Variants in TP53BP1 observed in about 807,000 individuals in gnomAD.
TP53BP1 encodes tumor protein p53 binding protein 1.
In TP53BP1, 61 loss-of-function variants were observed where a neutral mutation model predicts 200.8. That is an observed-to-expected ratio of 0.30 (90% CI 0.25 to 0.38). The LOEUF is 0.38. Among genes scored for constraint, TP53BP1 ranks in the 10% least tolerant of loss-of-function variants. The pLI is 1.00. For missense variants in TP53BP1, 2,144 were observed against 2,371.9 expected, an observed-to-expected ratio of 0.90 and a Z score of 2.00; for synonymous variants, 822 against 844.3, an observed-to-expected ratio of 0.97 and a Z score of 0.46.
upstream of TP53BP1, among the ~76,000 whole-genome samples, chr15:43,494,213 T>C (rs1349810181): frequency 6.6e-6 from 1 of 152,192 alleles, no homozygotes; most frequent in Non-Finnish European, 1.5e-5. Flanking sequence ...AGGCATTCAA[T>C]ATGAGGCAGT....
chr15:43,442,120 CTG>C (rs1394757464), intron 14 of TP53BP1, among the ~76,000 whole-genome samples: 1 of 142,408 alleles, frequency 7.0e-6, no homozygotes, highest in East Asian at 2.1e-4. Context: ...GAGTCTCACT[CTG>C]TCGCCCAGGC....
rs1400300098 is a variant in TP53BP1, at chr15:43,446,567, T to C, written c.2860A>G (p.Thr954Ala). The change falls in exon 14 of 28, where the codon ACC (threonine) becomes GCC (alanine). Residue 954 changes from threonine (T) to alanine (A), a missense_variant. Coordinates refer to ENST00000382044, the MANE Select transcript of TP53BP1 (RefSeq NM_001141980.3). ...GACATGACATCACTGGTTGCTATGG[T>C]GCTTTCTGGATAGTTGCTAATACCT... The part of the protein sequence containing the change: ...PIGISNYPES[T>A]IATSDVMSES... 6.2e-7 allele frequency: 1 copy of C among 1,614,094 alleles called. No individual in the cohort carries two copies. The highest frequency in any genetic ancestry group is 1.7e-5 in the Admixed American group (1 of 60,024).
At chr15:43,439,818 T>C (rs1422315779) in intron 15 of TP53BP1, among the ~76,000 whole-genome samples, 1 of 152,212 alleles carries the variant, frequency 6.6e-6, no homozygotes, top group Non-Finnish European at 1.5e-5. Context: ...AGCAACATAC[T>C]CTGTTCCCTC....
intron 12 of TP53BP1, among the ~76,000 whole-genome samples, chr15:43,451,093 CTTCTAATAGTAG>C (rs1156596955): frequency 6.6e-6 from 1 of 151,996 alleles, no homozygotes; most frequent in Non-Finnish European, 1.5e-5. Context: ...AAAAAGTGCT[CTTCTAATAGTAG>C]ATGAACAAAT....
chr15:43,432,815 G>C (rs2045703210), intron 16 of TP53BP1, 138 bp from the exon 17 acceptor site: 6 of 915,292 alleles, frequency 6.6e-6, no homozygotes, highest in Middle Eastern at 6.1e-4. Flanking sequence ...AAGGAAGGGA[G>C]AAAGTCAGGT....
At position 43,405,001 on chromosome 15, in the gene TP53BP1, C is replaced by G; in HGVS notation, c.*2382G>C. 1 of 590,206 alleles carries G rather than the reference C, an allele frequency of 1.7e-6. No homozygotes were observed. The highest frequency in any genetic ancestry group is 2.4e-5 in the South Asian group (1 of 40,916). The allele number at this position is 590,206 out of a possible 1,614,324, so 36.6% of individuals were successfully genotyped here. A position where few individuals can be genotyped will look rare whatever the true frequency, so the allele number is the denominator to read the frequency against. On this transcript the variant is annotated 3_prime_UTR_variant, in exon 28 of 28. Coordinates refer to ENST00000382044, the MANE Select transcript of TP53BP1 (RefSeq NM_001141980.3). ...TTCCCAGAGGTCTGTCATTCCCATT[C>G]AGAAAATCACTTCATTGTCCTTTCT... is the stretch of plus-strand genomic sequence containing the variant.
intron 17 of TP53BP1, among the ~76,000 whole-genome samples, chr15:43,430,956 T>C (rs890945609): frequency 2.0e-5 from 3 of 152,142 alleles, no homozygotes; most frequent in African/African-American, 7.2e-5. Context: ...CATATTCAGA[T>C]TGCCGGCATC....
chr15:43,472,265 C>A (rs1273670787), intron 10 of TP53BP1, among the ~76,000 whole-genome samples: 1 of 152,130 alleles, frequency 6.6e-6, no homozygotes, highest in East Asian at 1.9e-4. Context: ...ATGAGAAAAA[C>A]CACAGAAATG....
At chr15:43,430,685 G>A (rs2045648269) in intron 17 of TP53BP1, among the ~76,000 whole-genome samples, 1 of 152,116 alleles carries the variant, frequency 6.6e-6, no homozygotes, top group African/African-American at 2.4e-5. Context: ...CCCAGTGGAT[G>A]CCTGAAACTG....
At chr15:43,413,001 C>G (rs951830462) in intron 24 of TP53BP1, 118 bp downstream of exon 24, 1 of 884,512 alleles carries the variant, frequency 1.1e-6, no homozygotes, top group Admixed American at 2.5e-5. Context: ...GACCAAGATC[C>G]CAGTTGCTAC....
intron 14 of TP53BP1, among the ~76,000 whole-genome samples, chr15:43,442,301 T>G (rs2045943036): frequency 6.6e-6 from 1 of 151,950 alleles, no homozygotes; most frequent in African/African-American, 2.4e-5. Context: ...TTAGCCAGGA[T>G]GGTCTCAATC....
chr15:43,491,996 C>A lies in TP53BP1; in HGVS notation c.286+6G>T, dbSNP rs759012337. On this transcript the variant is annotated splice_donor_region_variant and intron_variant, in intron 3 of 27. Coordinates refer to ENST00000382044, the MANE Select transcript of TP53BP1 (RefSeq NM_001141980.3). ...CAAAGGGGACAGATAGCTTTAAACA[C>A]CTCACCTGCAACCTTGTTTTCTTTC... 6.2e-7 allele frequency: 1 copy of A among 1,609,072 alleles called. No individual in the cohort carries two copies. Among genetic ancestry groups the A allele is most frequent in the Non-Finnish European group, 8.5e-7 (1 of 1,175,440 alleles).
At chr15:43,509,354 G>A (rs2079258125) in intron 1 of TP53BP1, among the ~76,000 whole-genome samples, 1 of 152,122 alleles carries the variant, frequency 6.6e-6, no homozygotes, top group Non-Finnish European at 1.5e-5. Context: ...TTGCAGAGTG[G>A]ACTGGCTGTT....
chr15:43,450,316 A>C (rs973024332), intron 12 of TP53BP1, among the ~76,000 whole-genome samples: 2 of 152,240 alleles, frequency 1.3e-5, no homozygotes, highest in African/African-American at 4.8e-5. Flanking sequence ...CTTTGTTCTT[A>C]AAAGAACTGG....
In TP53BP1 at chr15:43,413,154, G is replaced by A. The variant is rs372763077; in HGVS notation, c.5270C>T (p.Pro1757Leu). 2 of 1,614,022 alleles carry A rather than the reference G, an allele frequency of 1.2e-6. No homozygotes were observed. Among genetic ancestry groups the A allele is most frequent in the African/African-American group, 2.7e-5 (2 of 74,888 alleles). The part of the protein sequence containing the change: ...SDKLASRSKL[P>L]DGPTGSSEEE... ...TTCACTGCTTCCTGTAGGACCATCT[G>A]GCAGTTTGGAGCGGCTGGCCAACTT... Residue 1757 changes from proline to leucine, a missense_variant, in exon 24 of 28, where the codon CCA becomes CTA. Around this residue, in one of 4 missense-constraint regions of TP53BP1, gnomAD observed 334 missense variants for 453.4 expected, o/e 0.74. Transcript: ENST00000382044.
At chr15:43,454,522 C>T (rs1205690134) in intron 12 of TP53BP1, among the ~76,000 whole-genome samples, 1 of 151,536 alleles carries the variant, frequency 6.6e-6, no homozygotes, top group Non-Finnish European at 1.5e-5. Context: ...TGCCAGCACT[C>T]CTGGCTAATT....
chr15:43,411,520 A>C (rs760186624), intron 24 of TP53BP1, among the ~76,000 whole-genome samples: 16 of 152,256 alleles, frequency 1.1e-4, no homozygotes, highest in South Asian at 2.1e-4. Flanking sequence ...ACAGTTTCTT[A>C]AAAACTATAA....
chr15:43,404,858 C>T lies in TP53BP1; in HGVS notation c.*2525G>A. On this transcript the variant is annotated 3_prime_UTR_variant, in exon 28 of 28. Coordinates refer to ENST00000382044, the MANE Select transcript of TP53BP1 (RefSeq NM_001141980.3). ...CCAATTCTGATATGAACTAGCTGTGCAGCCGTGGGCACCCCGCCTTGCTGG... is the reference window on the plus strand; with the variant it reads ...CCAATTCTGATATGAACTAGCTGTGTAGCCGTGGGCACCCCGCCTTGCTGG... 1 of 481,190 alleles carries T rather than the reference C, an allele frequency of 2.1e-6. No homozygotes were observed. The highest frequency in any genetic ancestry group is 2.8e-5 in the South Asian group (1 of 35,668). The allele number at this position is 481,190 out of a possible 1,614,324, so 29.8% of individuals were successfully genotyped here. A position where few individuals can be genotyped will look rare whatever the true frequency, so the allele number is the denominator to read the frequency against.
At chr15:43,408,305 C>T in intron 26 of TP53BP1, 1 of 484,758 alleles carries the variant, frequency 2.1e-6, no homozygotes, top group Admixed American at 3.5e-5. Flanking sequence ...TGGTGAGACC[C>T]CATCTCTACA....
Sources: gnomAD v4.1 joint callset for allele counts (sites outside exome capture counted in the v4.1 genomes callset) on GRCh38, gnomAD v4.1.1 for gene constraint, gnomAD v4.1.1 regional missense constraint, MANE v1.5 for transcripts, NCBI Gene and HGNC (gene_info 2026-07-23, HGNC 2026-07-21) for gene names.